The following KCNU1 variants were observed in gnomAD, a reference collection of about 807,000 sequenced individuals.
KCNU1 encodes potassium calcium-activated channel subfamily U member 1, also known as potassium channel subfamily U member 1.
A neutral mutation model predicts 126.8 loss-of-function variants in KCNU1; 93 were observed. The observed-to-expected ratio is 0.73, with a 90% CI of 0.62 to 0.87. The LOEUF is 0.87. KCNU1 is among the 40% of genes least tolerant of loss of function. The probability of loss-of-function intolerance (pLI) is 0.00; values close to 1 mark genes in which losing one functional copy is unlikely to be tolerated. For missense variants in KCNU1, 1,330 were observed against 1,367.1 expected, an observed-to-expected ratio of 0.97 and a Z score of 0.43; for synonymous variants, 523 against 494.2, an observed-to-expected ratio of 1.06 and a Z score of -0.77.
At chr8:36,827,756 G>A (rs1229157829) in intron 10 of KCNU1, among the ~76,000 whole-genome samples, 4 of 152,092 alleles carry the variant, frequency 2.6e-5, no homozygotes, top group African/African-American at 9.7e-5. Context: ...TGAATCCAAA[G>A]TGTTCTCAGG....
rs1441281632 is a variant in KCNU1, at chr8:36,817,764, AGTATATCT to A, written c.1106+9_1106+16del. ...CTGAAATTGTTTTCCTGGGAGAGTAAGTATATCTGTATGGCTCATGGGTTCTAAATTAA... is the reference window on the plus strand; with the variant it reads ...CTGAAATTGTTTTCCTGGGAGAGTAAGTATGGCTCATGGGTTCTAAATTAA... On this transcript the variant is annotated splice_donor_5th_base_variant and intron_variant, in intron 10 of 26. Coordinates refer to ENST00000399881, the MANE Select transcript of KCNU1 (RefSeq NM_001031836.3). 6.8e-7 allele frequency: 1 copy of A among 1,463,490 alleles called. No homozygotes were observed. Among genetic ancestry groups the A allele is most frequent in the Non-Finnish European group, 9.6e-7 (1 of 1,042,712 alleles). The allele number at this position is 1,463,490 out of a possible 1,614,324, so 90.7% of individuals were successfully genotyped here.
At chr8:36,806,412 C>A in intron 5 of KCNU1, 32 bp downstream of exon 5, 1 of 1,088,788 alleles carries the variant, frequency 9.2e-7, no homozygotes, top group Non-Finnish European at 1.4e-6. Context: ...GTAGCAATAT[C>A]TATGAATAAA....
At position 36,901,596 on chromosome 8, in the gene KCNU1, C is replaced by T. The variant is rs138399711; in HGVS notation, c.2010-4112C>T. Among the ~76,000 whole-genome samples, 28 of 152,262 alleles carry T rather than the reference C, an allele frequency of 1.8e-4. No individual in the cohort carries two copies. The East Asian group carries it at 5.2e-3, about 28-fold the overall frequency. Reference sequence around the variant, plus strand: ...TTATTTGCGTGCTGCTCTACACAGCCACAAGTGGATAGGCTGCAAAAACTG... The same window carrying T: ...TTATTTGCGTGCTGCTCTACACAGCTACAAGTGGATAGGCTGCAAAAACTG... On this transcript the variant is annotated intron_variant, in intron 19 of 26. Coordinates refer to ENST00000399881, the MANE Select transcript of KCNU1 (RefSeq NM_001031836.3).
intron 26 of KCNU1, among the ~76,000 whole-genome samples, chr8:36,934,227 A>G (rs879926932): frequency 3.9e-5 from 6 of 152,168 alleles, no homozygotes; most frequent in Non-Finnish European, 5.9e-5. Context: ...ACTGGAAGTC[A>G]TAGCAATACG....
intron 22 of KCNU1, among the ~76,000 whole-genome samples, chr8:36,915,472 C>T (rs1009335516): frequency 6.6e-6 from 1 of 152,180 alleles, no homozygotes. Context: ...TTATATAATT[C>T]TTATCTCTTT....
intron 24 of KCNU1, among the ~76,000 whole-genome samples, chr8:36,928,180 T>C (rs1296466506): frequency 6.6e-6 from 1 of 152,076 alleles, no homozygotes; most frequent in African/African-American, 2.4e-5. Context: ...AAAATTATAA[T>C]CCTTTTGATG....
intron 21 of KCNU1, 37 bp downstream of exon 21, chr8:36,909,572 G>T (rs1563330350): frequency 8.6e-7 from 1 of 1,167,718 alleles, no homozygotes; most frequent in Non-Finnish European, 1.3e-6. Context: ...TATTTATAAG[G>T]ATTTCAATAT....
chr8:36,806,430 C>A, intron 5 of KCNU1, 50 bp downstream of exon 5: 1 of 916,786 alleles, frequency 1.1e-6, no homozygotes, highest in Non-Finnish European at 1.7e-6. Context: ...AAAATAAAAA[C>A]TCAACATTCA....
At chr8:36,928,308 C>G (rs900143656) in intron 24 of KCNU1, among the ~76,000 whole-genome samples, 1 of 152,130 alleles carries the variant, frequency 6.6e-6, no homozygotes, top group African/African-American at 2.4e-5. Flanking sequence ...TACACCTTTT[C>G]TTTAATCAGT....
chr8:36,931,959 C>G (rs115230705), intron 25 of KCNU1, among the ~76,000 whole-genome samples: 3 of 152,040 alleles, frequency 2.0e-5, no homozygotes, highest in Non-Finnish European at 2.9e-5. Context: ...CATTGTGGTG[C>G]CTTCTGGTTT....
chr8:36,793,875 G>A (rs1802992556), intron 2 of KCNU1, among the ~76,000 whole-genome samples: 1 of 151,910 alleles, frequency 6.6e-6, no homozygotes, highest in Non-Finnish European at 1.5e-5. Context: ...CCAACATGGT[G>A]AAACCCCGTC....
At chr8:36,894,829 C>G (rs1807119215) in intron 19 of KCNU1, among the ~76,000 whole-genome samples, 2 of 151,996 alleles carry the variant, frequency 1.3e-5, no homozygotes, top group South Asian at 4.1e-4. Context: ...CCTAGTTAGA[C>G]AAATTTACAA....
intron 7 of KCNU1, among the ~76,000 whole-genome samples, chr8:36,813,892 T>C (rs757458407): frequency 2.6e-5 from 4 of 152,106 alleles, no homozygotes; most frequent in Non-Finnish European, 5.9e-5. Context: ...GGCTCCAGGA[T>C]GCAATGCTTG....
intron 2 of KCNU1, among the ~76,000 whole-genome samples, chr8:36,789,075 G>C (rs774286799): frequency 1.4e-4 from 21 of 152,288 alleles, no homozygotes; most frequent in Non-Finnish European, 1.2e-4. Flanking sequence ...AAATGCTCTA[G>C]GCCGGGTGCA....
At chr8:36,845,533 C>A (rs762253551) in intron 16 of KCNU1, 47 bp from the exon 17 acceptor site, 8 of 1,162,700 alleles carry the variant, frequency 6.9e-6, no homozygotes, top group Non-Finnish European at 8.9e-6. Context: ...ACTGTTGCCA[C>A]TGAAATCAGA....
At chr8:36,871,620 A>G (rs1806106860) in intron 19 of KCNU1, among the ~76,000 whole-genome samples, 1 of 152,156 alleles carries the variant, frequency 6.6e-6, no homozygotes, top group African/African-American at 2.4e-5. Context: ...TTCACAGACT[A>G]TAATAAAGGA....
At chr8:36,818,259 A>C (rs1225721996) in intron 10 of KCNU1, among the ~76,000 whole-genome samples, 3 of 152,212 alleles carry the variant, frequency 2.0e-5, no homozygotes, top group African/African-American at 7.2e-5. Context: ...TAGGTACACA[A>C]AATGATTTCT....
At chr8:36,930,776 C>T (rs148480124) in intron 24 of KCNU1, among the ~76,000 whole-genome samples, 175 bp from the exon 25 acceptor site, 2 of 152,208 alleles carry the variant, frequency 1.3e-5, no homozygotes, top group African/African-American at 4.8e-5. Context: ...TAACCTGGCA[C>T]AGTACCCAAA....
chr8:36,856,080 G>A (rs1239607315), intron 18 of KCNU1, among the ~76,000 whole-genome samples: 1 of 152,086 alleles, frequency 6.6e-6, no homozygotes, highest in African/African-American at 2.4e-5. Context: ...ATCAGTTAAT[G>A]TACTTTTCAA....
Sources: allele counts gnomAD v4.1 joint callset (sites outside exome capture counted in the v4.1 genomes callset), GRCh38; gene constraint gnomAD v4.1.1; transcripts MANE v1.5; gene names NCBI Gene and HGNC (gene_info 2026-07-23, HGNC 2026-07-21).